THOC2: variants seen among roughly 807,000 people sequenced by gnomAD.
THOC2 encodes the protein THO complex 2.
In THOC2, 10 loss-of-function variants were observed where a neutral mutation model predicts 128.4. The ratio of observed to expected loss-of-function variants is 0.08; its 90% CI spans 0.05 to 0.13. The LOEUF is 0.13. Ranked by LOEUF, THOC2 falls within the 10% of genes least tolerant of loss-of-function variation. The pLI is 1.00. For missense variants in THOC2, 535 were observed against 1,155.7 expected (o/e 0.46, Z 7.79); for synonymous variants, 393 against 396.9 (o/e 0.99, Z 0.12).
intron 25 of THOC2, among the ~76,000 whole-genome samples, chrX:123,625,535 T>TG (rs2147607851): frequency 9.1e-6 from 1 of 109,863 alleles, no homozygotes; most frequent in East Asian, 2.8e-4. Context: ...TTTTTTTTTT[T>TG]GAGAAGTGAA....
chrX:123,626,756 T>C (rs908261565), intron 23 of THOC2, 94 bp from the exon 24 acceptor site: 1 of 851,572 alleles, frequency 1.2e-6, no homozygotes, highest in Non-Finnish European at 1.6e-6. Context: ...GCTGATAGTT[T>C]ATAACTACTT....
At chrX:123,715,268 G>A (rs1410605646) in intron 1 of THOC2, among the ~76,000 whole-genome samples, 1 of 108,954 alleles carries the variant, frequency 9.2e-6, no homozygotes, top group African/African-American at 3.3e-5. Context: ...GAACTCCTGG[G>A]CTCAAGCAAT....
Position 123,640,573 on chromosome X carries a change from A to G in THOC2, c.1711T>C (p.Leu571=), listed in dbSNP as rs542417114. Residue 571 remains leucine (L), a synonymous_variant, in exon 16 of 39, where the codon TTG becomes CTG. Transcript: ENST00000245838. ...AAAATGGTTGGATTGCTGTGGCTCA[A>G]CTTCCCAATTTGTCTTCCAGAAGGC... ...VKPSGRQIGK[L]SHSNPTILFD... is the part of the protein sequence containing the mutation. 1 of 1,195,603 alleles carries G rather than the reference A, an allele frequency of 8.4e-7. No homozygotes were observed. The highest frequency in any genetic ancestry group is 3.0e-5 in the East Asian group (1 of 33,044).
chrX:123,677,075 G>A (rs2049527266), intron 8 of THOC2, among the ~76,000 whole-genome samples: 1 of 111,537 alleles, frequency 9.0e-6, no homozygotes, highest in African/African-American at 3.3e-5. Context: ...TAGGCTATAT[G>A]GAATACTCTA....
At chrX:123,660,361 C>A (rs1305279274) in intron 12 of THOC2, among the ~76,000 whole-genome samples, 1 of 111,716 alleles carries the variant, frequency 9.0e-6, no homozygotes, top group Non-Finnish European at 1.9e-5. Flanking sequence ...AATTTCAGAA[C>A]AAGAGATCTG....
At chrX:123,602,310 T>C (rs1419692976) in intron 38 of THOC2, 2 of 112,517 alleles carry the variant, frequency 1.8e-5, no homozygotes, top group East Asian at 2.8e-4. Context: ...AATTTAATAC[T>C]TAAAAGCCAT....
chrX:123,711,958 T>A (rs868541852), intron 2 of THOC2, among the ~76,000 whole-genome samples: 1 of 46,843 alleles, frequency 2.1e-5, no homozygotes, highest in African/African-American at 9.0e-5. Flanking sequence ...CTGTCTACTT[T>A]AAAAAAAAAA....
chrX:123,700,562 T>TGG (rs2050661688), intron 4 of THOC2, among the ~76,000 whole-genome samples: 1 of 12,408 alleles, frequency 8.1e-5, no homozygotes, highest in African/African-American at 3.1e-4. Context: ...GGTGGGGGGG[T>TGG]GGGGAGGAAG....
intron 12 of THOC2, among the ~76,000 whole-genome samples, chrX:123,662,784 T>G (rs1736318955): frequency 9.0e-6 from 1 of 110,842 alleles, no homozygotes; most frequent in Non-Finnish European, 1.9e-5. Flanking sequence ...ATAACGCAAC[T>G]TAAAAATGTG....
intron 7 of THOC2, among the ~76,000 whole-genome samples, chrX:123,693,102 TAAC>T (rs1208433750): frequency 8.9e-5 from 10 of 112,198 alleles, no homozygotes; most frequent in Admixed American, 3.8e-4. Flanking sequence ...CAATAAATGC[TAAC>T]AACACTGAAA....
intron 32 of THOC2, 66 bp from the exon 33 acceptor site, chrX:123,619,502 G>A: frequency 8.4e-7 from 1 of 1,184,178 alleles, no homozygotes; most frequent in Non-Finnish European, 1.1e-6. Flanking sequence ...GGAACTTTGG[G>A]AAGTATGGCT....
At chrX:123,698,831 C>T (rs1213832800) in intron 4 of THOC2, among the ~76,000 whole-genome samples, 1 of 105,107 alleles carries the variant, frequency 9.5e-6, no homozygotes, top group African/African-American at 3.5e-5. Flanking sequence ...GCCGAGATCA[C>T]GCCACTGCAC....
chrX:123,669,197 A>G (rs2049163625), intron 9 of THOC2, among the ~76,000 whole-genome samples: 1 of 109,950 alleles, frequency 9.1e-6, no homozygotes, highest in Admixed American at 9.7e-5. Context: ...GAGAAAAGTC[A>G]CTATGGACTG....
At chrX:123,661,212 G>A (rs767867534) in intron 12 of THOC2, among the ~76,000 whole-genome samples, 6 of 111,574 alleles carry the variant, frequency 5.4e-5, no homozygotes, top group South Asian at 7.6e-4. Flanking sequence ...CGAGACCAGC[G>A]TAGCAAACAT....
chrX:123,683,686 C>T (rs1436897185), intron 8 of THOC2, among the ~76,000 whole-genome samples: 1 of 109,285 alleles, frequency 9.2e-6, no homozygotes, highest in Admixed American at 9.8e-5. Context: ...GCTACCTCCA[C>T]ACCTCCTGGG....
rs771617419 is a variant in THOC2 at position 123,671,708 on chromosome X, T to C, written c.822A>G (p.Leu274=). The C allele has an allele frequency of 3.6e-5, 42 of 1,181,393 alleles. No homozygotes were observed. Among genetic ancestry groups the C allele is most frequent in the Middle Eastern group, 4.7e-4 (2 of 4,290 alleles). The change falls in exon 9 of 39, where the codon CTA becomes CTG. Residue 274 remains leucine, a synonymous_variant. Transcript: ENST00000245838. ...SSLYRVAAVL[L]QFNLIDLDDL... ...CATCTAAATCAATAAGATTAAATTG[T>C]AGAAGTACTGCTGCAACTCTGTATA...
chrX:123,716,610 A>T lies in THOC2; in HGVS notation c.72-3702T>A, dbSNP rs1268406035. Among the ~76,000 whole-genome samples, 10 of 108,771 alleles carry T rather than the reference A, an allele frequency of 9.2e-5. No individual in the cohort carries two copies. The Admixed American group carries it at 9.9e-4, about 11-fold the overall frequency. The allele number at this position is 108,771 out of a possible 115,157, so 94.5% of individuals were successfully genotyped here. A position where few individuals can be genotyped will look rare whatever the true frequency, so the allele number is the denominator to read the frequency against. Reference sequence around the variant, plus strand: ...CAGGTGTGGTGGCAGGCGCGTGTAGACCCAGCTTCTCGGGAGGCTGAGCCA... The same window carrying T: ...CAGGTGTGGTGGCAGGCGCGTGTAGTCCCAGCTTCTCGGGAGGCTGAGCCA... On this transcript the variant is annotated intron_variant, in intron 1 of 38. Coordinates refer to ENST00000245838, the MANE Select transcript of THOC2 (RefSeq NM_001081550.2).
At chrX:123,699,924 A>C (rs920817680) in intron 4 of THOC2, among the ~76,000 whole-genome samples, 2 of 112,081 alleles carry the variant, frequency 1.8e-5, no homozygotes, top group African/African-American at 6.5e-5. Flanking sequence ...ACAGGACTCT[A>C]TTATCCCAAC....
chrX:123,604,371 G>GT (rs1052444931), intron 38 of THOC2, among the ~76,000 whole-genome samples: 151 of 100,666 alleles, frequency 1.5e-3, no homozygotes, highest in East Asian at 0.01. Context: ...TGAGTTGTTT[G>GT]TTTTTTTTTT....
Sources: gnomAD v4.1 joint callset for allele counts (sites outside exome capture counted in the v4.1 genomes callset) on GRCh38, gnomAD v4.1.1 for gene constraint, MANE v1.5 for transcripts, NCBI Gene and HGNC (gene_info 2026-07-23, HGNC 2026-07-21) for gene names.